The following SH2D4B variants were observed in gnomAD, a reference collection of about 807,000 sequenced individuals.
SH2D4B encodes the protein SH2 domain-containing protein 4B.
Under a neutral mutation model 61.5 loss-of-function variants are expected in SH2D4B, and 45 were observed. That is an observed-to-expected ratio of 0.73 (90% CI 0.58 to 0.94). The LOEUF (loss-of-function observed/expected upper bound fraction) is 0.94. Ranked by LOEUF, SH2D4B falls within the 40% of genes least tolerant of loss-of-function variation. SH2D4B has a pLI of 0.00. For missense variants in SH2D4B, 572 were observed against 574.2 expected (o/e 1.00, Z 0.04); for synonymous variants, 224 against 220.4 (o/e 1.02, Z -0.14).
At chr10:80,570,043 A>G in intron 1 of SH2D4B, 111 bp from the exon 2 acceptor site, 1 of 1,311,456 alleles carries the variant, frequency 7.6e-7, no homozygotes, top group East Asian at 2.3e-5. Context: ...CTTTTTGTGG[A>G]TGACAATGTT....
chr10:80,620,767 G>A (rs1842709797), intron 6 of SH2D4B, among the ~76,000 whole-genome samples: 1 of 152,238 alleles, frequency 6.6e-6, no homozygotes, highest in Non-Finnish European at 1.5e-5. Context: ...CACAAGGATT[G>A]AATGAGCTAG....
In SH2D4B at chr10:80,538,737, C is replaced by A. The variant is rs1412697355; in HGVS notation, c.184+222C>A. Among the ~76,000 whole-genome samples, 1 of 152,114 alleles carries A rather than the reference C, an allele frequency of 6.6e-6. No individual in the cohort carries two copies. The highest frequency in any genetic ancestry group is 1.5e-5 in the Non-Finnish European group (1 of 68,024). Reference sequence around the variant, plus strand: ...GCTGCTGCAGAGGCTGTCCAGCGGCCCTTATTGGAGTCGGGGAGTTGGGAC... The same window carrying A: ...GCTGCTGCAGAGGCTGTCCAGCGGCACTTATTGGAGTCGGGGAGTTGGGAC... On this transcript the variant is annotated intron_variant, in intron 1 of 7. Transcript: ENST00000646907. This position sits in a 1 kb window ranked among gnomAD's most constrained non-coding sequence, Gnocchi z 4.8.
chr10:80,573,010 TTTTTTTG>T (rs2132120314), intron 3 of SH2D4B, among the ~76,000 whole-genome samples: 1 of 89,656 alleles, frequency 1.1e-5, no homozygotes, highest in African/African-American at 4.0e-5. Context: ...TTTTTTTTTT[TTTTTTTG>T]AGACGGAGTC....
chr10:80,644,155 C>A lies in SH2D4B; in HGVS notation c.*70C>A. Reference sequence around the variant, plus strand: ...AACTCAGCTTAAGAACTTCTCATCTCAAATCCTATGGCCTTCTGGAAGATC... The same window carrying A: ...AACTCAGCTTAAGAACTTCTCATCTAAAATCCTATGGCCTTCTGGAAGATC... On this transcript the variant is annotated 3_prime_UTR_variant, in exon 8 of 8. Coordinates refer to ENST00000646907, the MANE Select transcript of SH2D4B (RefSeq NM_001388272.1). 1 of 1,245,868 alleles carries A rather than the reference C, an allele frequency of 8.0e-7. No homozygotes were observed. Among genetic ancestry groups the A allele is most frequent in the Non-Finnish European group, 1.2e-6 (1 of 857,294 alleles). The allele number at this position is 1,245,868 out of a possible 1,614,324, so 77.2% of individuals were successfully genotyped here.
chr10:80,588,840 A>T, intron 4 of SH2D4B, 63 bp downstream of exon 4: 2 of 1,589,016 alleles, frequency 1.3e-6, no homozygotes, highest in Admixed American at 3.4e-5. Flanking sequence ...CCTCCTCCCA[A>T]TGCTGATGTA....
chr10:80,610,739 A>G lies in SH2D4B; in HGVS notation c.988+1188A>G, dbSNP rs111510255. 2.9e-3 allele frequency among the ~76,000 whole-genome samples: 449 copies of G among 152,232 alleles called. 4 individuals are homozygous for G. The highest frequency in any genetic ancestry group is 0.011 in the African/African-American group (437 of 41,530). Reference sequence around the variant, plus strand: ...GTGTCATGTTGGTCAGATTGGATATACCTCGGTCACAAATGCTTCTGAAGT... The same window carrying G: ...GTGTCATGTTGGTCAGATTGGATATGCCTCGGTCACAAATGCTTCTGAAGT... On this transcript the variant is annotated intron_variant, in intron 6 of 7. Coordinates refer to ENST00000646907, the MANE Select transcript of SH2D4B (RefSeq NM_001388272.1).
At chr10:80,560,299 T>TA (rs1160922015) in intron 1 of SH2D4B, among the ~76,000 whole-genome samples, 1 of 152,030 alleles carries the variant, frequency 6.6e-6, no homozygotes, top group Non-Finnish European at 1.5e-5. Context: ...ACCTTTTTTT[T>TA]ATTTTTATTT....
intron 3 of SH2D4B, among the ~76,000 whole-genome samples, chr10:80,584,025 A>G (rs559576660): frequency 6.6e-6 from 1 of 152,252 alleles, no homozygotes; most frequent in Non-Finnish European, 1.5e-5. Flanking sequence ...GTTCTGGATG[A>G]TAGAAGACAA....
intron 4 of SH2D4B, among the ~76,000 whole-genome samples, chr10:80,596,184 C>T (rs554846244): frequency 7.9e-5 from 12 of 152,366 alleles, no homozygotes; most frequent in African/African-American, 2.9e-4. Context: ...GGGGCATACG[C>T]TCAGGAGAGA....
intron 7 of SH2D4B, 139 bp downstream of exon 7, chr10:80,634,644 G>A: frequency 7.6e-7 from 1 of 1,323,392 alleles, no homozygotes; most frequent in East Asian, 2.5e-5. Context: ...AGAGCATCAG[G>A]GCAGAAGAGA....
At chr10:80,572,959 TATATATATATATATATATA>T (rs1842069441) in intron 3 of SH2D4B, among the ~76,000 whole-genome samples, 2 of 7,694 alleles carry the variant, frequency 2.6e-4, no homozygotes, top group African/African-American at 6.1e-4. Context: ...TATATATATA[TATATATATATATATATATA>T]TATATATATT....
intron 5 of SH2D4B, among the ~76,000 whole-genome samples, chr10:80,608,816 A>G (rs950210662): frequency 6.6e-6 from 1 of 152,100 alleles, no homozygotes; most frequent in African/African-American, 2.4e-5. Context: ...AGCCATTTCC[A>G]GAGCAAATTG....
Position 80,539,587 on chromosome 10 carries a change from C to T in SH2D4B, c.184+1072C>T, listed in dbSNP as rs935454259. Among the ~76,000 whole-genome samples, 1 of 152,256 alleles carries T rather than the reference C, an allele frequency of 6.6e-6. No individual in the cohort carries two copies. The highest frequency in any genetic ancestry group is 2.4e-5 in the African/African-American group (1 of 41,468). ...TGACAGACTCCATCAGGAGTGGCCC[C>T]CCTGCCCTGGAGTGTTCAGGGATGC... On this transcript the variant is annotated intron_variant, in intron 1 of 7. Coordinates refer to ENST00000646907, the MANE Select transcript of SH2D4B (RefSeq NM_001388272.1). The surrounding 1 kb of genome is among the most constrained non-coding windows in gnomAD (Gnocchi z 4.9).
At chr10:80,625,258 A>T (rs112043067) in intron 6 of SH2D4B, among the ~76,000 whole-genome samples, 3 of 152,228 alleles carry the variant, frequency 2.0e-5, no homozygotes, top group African/African-American at 7.2e-5. Flanking sequence ...TGGTTAATTT[A>T]GACGATTTAA....
chr10:80,593,724 C>G (rs566478284), intron 4 of SH2D4B, among the ~76,000 whole-genome samples: 1 of 152,168 alleles, frequency 6.6e-6, no homozygotes. Flanking sequence ...GCTAGAACTT[C>G]CAATACTATG....
At chr10:80,604,791 G>GTTTTTTTT (rs34202612) in intron 5 of SH2D4B, among the ~76,000 whole-genome samples, 2 of 148,210 alleles carry the variant, frequency 1.3e-5, no homozygotes, top group Non-Finnish European at 1.5e-5. Flanking sequence ...ACTGTTCTTA[G>GTTTTTTTT]TTTTTTTTTT....
At chr10:80,606,495 C>T (rs1000680899) in intron 5 of SH2D4B, among the ~76,000 whole-genome samples, 13 of 151,998 alleles carry the variant, frequency 8.6e-5, no homozygotes, top group African/African-American at 2.2e-4. Context: ...TACAGGCGCG[C>T]GCCAGTACAC....
At chr10:80,584,098 G>A (rs1229732535) in intron 3 of SH2D4B, among the ~76,000 whole-genome samples, 1 of 152,210 alleles carries the variant, frequency 6.6e-6, no homozygotes, top group Non-Finnish European at 1.5e-5. Flanking sequence ...AGCTAAATTG[G>A]CAGTTACATG....
intron 1 of SH2D4B, among the ~76,000 whole-genome samples, chr10:80,555,182 G>C (rs1841815154): frequency 6.6e-6 from 1 of 152,100 alleles, no homozygotes; most frequent in Admixed American, 6.6e-5. Flanking sequence ...GAGATGCCAG[G>C]GTTTTGCTCA....
Sources: gnomAD v4.1 joint callset for allele counts (sites outside exome capture counted in the v4.1 genomes callset) on GRCh38, gnomAD v4.1.1 for gene constraint, Gnocchi (gnomAD v3.1) non-coding constraint, MANE v1.5 for transcripts, NCBI Gene and HGNC (gene_info 2026-07-23, HGNC 2026-07-21) for gene names.